TMEM123: variants seen among roughly 807,000 people sequenced by gnomAD.
TMEM123 encodes the protein porimin.
TMEM123 carries 16 observed loss-of-function variants against 19.7 expected under a neutral mutation model. That is an observed-to-expected ratio of 0.81 (90% confidence interval 0.55 to 1.23). TMEM123 has a LOEUF of 1.23. TMEM123 is among the 50% of genes most tolerant of loss of function. The probability of loss-of-function intolerance (pLI) is 0.00; values close to 1 mark genes in which losing one functional copy is unlikely to be tolerated. For missense variants in TMEM123, 313 were observed against 257.8 expected, an observed-to-expected ratio of 1.21 and a Z score of -1.47; for synonymous variants, 118 against 99.4, an observed-to-expected ratio of 1.19 and a Z score of -1.12.
At chr11:102,411,330 G>A (rs1460337573) in intron 2 of TMEM123, among the ~76,000 whole-genome samples, 1 of 152,150 alleles carries the variant, frequency 6.6e-6, no homozygotes, top group Non-Finnish European at 1.5e-5. Flanking sequence ...TCGAAGCTCT[G>A]CGCACCATTC....
At position 102,397,181 on chromosome 11, in the gene TMEM123, G is replaced by T. The variant is rs986361918; in HGVS notation, c.*1686C>A. On this transcript the variant is annotated 3_prime_UTR_variant, in exon 5 of 5. Coordinates refer to ENST00000398136, the MANE Select transcript of TMEM123 (RefSeq NM_052932.3). ...TACATCCAATCATATCCATATTTTG[G>T]ATCATTTTTTTCTATATTCATCAGA... 1 of 151,930 alleles carries T rather than the reference G, an allele frequency of 6.6e-6. No homozygotes were observed. The highest frequency in any genetic ancestry group is 1.5e-5 in the Non-Finnish European group (1 of 67,974). 9.4% of individuals were successfully genotyped at this position (151,930 alleles called of 1,614,324 possible). A position where few individuals can be genotyped will look rare whatever the true frequency, so the allele number is the denominator to read the frequency against.
At chr11:102,436,072 TA>T (rs56933811) in intron 2 of TMEM123, among the ~76,000 whole-genome samples, 25 of 151,050 alleles carry the variant, frequency 1.7e-4, no homozygotes, top group East Asian at 3.9e-4. Context: ...TGAAGGTATT[TA>T]AAAAAAAATG....
At chr11:102,408,313 CA>C (rs1402433541) in intron 2 of TMEM123, among the ~76,000 whole-genome samples, 1 of 152,178 alleles carries the variant, frequency 6.6e-6, no homozygotes, top group Non-Finnish European at 1.5e-5. Flanking sequence ...TCCAACAGCC[CA>C]ATCAGTTCTT....
intron 2 of TMEM123, among the ~76,000 whole-genome samples, chr11:102,422,954 T>C (rs371961776): frequency 1.3e-5 from 2 of 152,166 alleles, no homozygotes; most frequent in South Asian, 2.1e-4. Context: ...TTAGTACACA[T>C]TGAGGTTTTT....
At chr11:102,413,611 C>T (rs958622106) in intron 2 of TMEM123, among the ~76,000 whole-genome samples, 6 of 152,154 alleles carry the variant, frequency 3.9e-5, no homozygotes, top group East Asian at 3.8e-4. Context: ...CACACAGCCC[C>T]GGAGTGCTGA....
intron 2 of TMEM123, among the ~76,000 whole-genome samples, chr11:102,414,060 A>C (rs1365848851): frequency 6.6e-6 from 1 of 152,208 alleles, no homozygotes; most frequent in Non-Finnish European, 1.5e-5. Context: ...CAAGGATTTC[A>C]AGTATTAACA....
At position 102,398,668 on chromosome 11, in the gene TMEM123, G is replaced by A; in HGVS notation, c.*199C>T. ...AACCATTGTATGAACGGTCTATAAG[G>A]ATCCAGATGTTTATTTCAAAACCCA... On this transcript the variant is annotated 3_prime_UTR_variant, in exon 5 of 5. Coordinates refer to ENST00000398136, the MANE Select transcript of TMEM123 (RefSeq NM_052932.3). 1 of 404,688 alleles carries A rather than the reference G, an allele frequency of 2.5e-6. No homozygotes were observed. The highest frequency in any genetic ancestry group is 3.9e-6 in the Non-Finnish European group (1 of 257,658). 25.1% of individuals were successfully genotyped at this position (404,688 alleles called of 1,614,324 possible).
At chr11:102,400,115 T>C (rs1184601541) in intron 4 of TMEM123, among the ~76,000 whole-genome samples, 2 of 152,258 alleles carry the variant, frequency 1.3e-5, no homozygotes, top group Admixed American at 1.3e-4. Flanking sequence ...TCCATGTTCT[T>C]AAAATCTATC....
Position 102,396,861 on chromosome 11 carries a change from C to T in TMEM123, c.*2006G>A, listed in dbSNP as rs540951781. 99 of 152,314 alleles carry T rather than the reference C, an allele frequency of 6.5e-4. No individual in the cohort carries two copies. The highest frequency in any genetic ancestry group is 2.2e-3 in the African/African-American group (91 of 41,572). The allele number at this position is 152,314 out of a possible 1,614,324, so 9.4% of individuals were successfully genotyped here. A position where few individuals can be genotyped will look rare whatever the true frequency, so the allele number is the denominator to read the frequency against. On this transcript the variant is annotated 3_prime_UTR_variant, in exon 5 of 5. Transcript: ENST00000398136. ...AGTACTTAAAAAGTGGTTTTTCTAT[C>T]TTCAAAGTGCTAAAGAAACAAGTAT...
intron 2 of TMEM123, among the ~76,000 whole-genome samples, chr11:102,423,153 T>C (rs1206268630): frequency 6.6e-6 from 1 of 152,216 alleles, no homozygotes; most frequent in East Asian, 1.9e-4. Context: ...AATTACGGTA[T>C]ATCCCTACTA....
chr11:102,401,307 C>T (rs1018560480), intron 4 of TMEM123, among the ~76,000 whole-genome samples: 2 of 152,180 alleles, frequency 1.3e-5, no homozygotes, highest in African/African-American at 4.8e-5. Context: ...GTGTGTTTGA[C>T]ACTAGTAAAA....
chr11:102,400,692 A>AG (rs1951905155), intron 4 of TMEM123, among the ~76,000 whole-genome samples: 1 of 152,226 alleles, frequency 6.6e-6, no homozygotes, highest in Non-Finnish European at 1.5e-5. Flanking sequence ...TCGTGAACAG[A>AG]ATTAATACCC....
intron 2 of TMEM123, among the ~76,000 whole-genome samples, chr11:102,431,889 T>C (rs990223640): frequency 1.1e-4 from 17 of 152,170 alleles, no homozygotes; most frequent in African/African-American, 3.9e-4. Flanking sequence ...CTGATGGTTT[T>C]TTAAGCGTCT....
chr11:102,405,601 C>T lies in TMEM123; in HGVS notation c.158-3395G>A, dbSNP rs868482187. On this transcript the variant is annotated intron_variant, in intron 2 of 4. Coordinates refer to ENST00000398136, the MANE Select transcript of TMEM123 (RefSeq NM_052932.3). The stretch of plus-strand genomic sequence containing the variant: ...GAAATTAAATACAGCAAAGAACCAA[C>T]GTTTATATCCTATCTTTAGAATAGA... Among the ~76,000 whole-genome samples the T allele has an allele frequency of 2.1e-4, 32 of 152,200 alleles. No homozygotes were observed. In the Middle Eastern group the frequency reaches 0.014, roughly 65 times the overall value.
chr11:102,411,681 TG>T (rs1285217234), intron 2 of TMEM123, among the ~76,000 whole-genome samples: 14 of 147,590 alleles, frequency 9.5e-5, no homozygotes, highest in Admixed American at 2.0e-4. Context: ...CTGGCAGAGG[TG>T]GGAAAAAAAA....
chr11:102,443,024 C>T (rs964489652), intron 2 of TMEM123, among the ~76,000 whole-genome samples: 1 of 152,182 alleles, frequency 6.6e-6, no homozygotes, highest in Admixed American at 6.5e-5. Context: ...GAACTACAAA[C>T]CACTGCTCAA....
intron 2 of TMEM123, among the ~76,000 whole-genome samples, chr11:102,402,906 C>A (rs1951925404): frequency 6.6e-6 from 1 of 152,188 alleles, no homozygotes; most frequent in African/African-American, 2.4e-5. Context: ...TTAAAATACA[C>A]AACTCAAACA....
chr11:102,438,959 G>A (rs1857795036), intron 2 of TMEM123, among the ~76,000 whole-genome samples: 1 of 152,224 alleles, frequency 6.6e-6, no homozygotes, highest in South Asian at 2.1e-4. Flanking sequence ...GTGGCTCAGA[G>A]GGTCCCACAC....
In TMEM123 at chr11:102,440,073, T is replaced by C. The variant is rs140575556; in HGVS notation, c.157+8739A>G. Reference sequence around the variant, plus strand: ...GTGAAAAGACCAAATCTATGTCTGATTGGTGTAACTGAAAGTGACGGGGAG... The same window carrying C: ...GTGAAAAGACCAAATCTATGTCTGACTGGTGTAACTGAAAGTGACGGGGAG... On this transcript the variant is annotated intron_variant, in intron 2 of 4. Coordinates refer to ENST00000398136, the MANE Select transcript of TMEM123 (RefSeq NM_052932.3). Among the ~76,000 whole-genome samples the C allele has an allele frequency of 6.3e-3, 953 of 152,314 alleles. 15 individuals carry two copies. Among genetic ancestry groups the C allele is most frequent in the African/African-American group, 0.022 (903 of 41,554 alleles).
Sources: gnomAD v4.1 joint callset for allele counts (sites outside exome capture counted in the v4.1 genomes callset) on GRCh38, gnomAD v4.1.1 for gene constraint, MANE v1.5 for transcripts, NCBI Gene and HGNC (gene_info 2026-07-23, HGNC 2026-07-21) for gene names.